DTNB: variants seen among roughly 807,000 people sequenced by gnomAD.
The protein encoded by DTNB is DTN-B.
DTNB carries 63 observed loss-of-function variants against 90.7 expected under a neutral mutation model. The ratio of observed to expected loss-of-function variants is 0.69; its 90% CI spans 0.57 to 0.86. The LOEUF (loss-of-function observed/expected upper bound fraction) is 0.86. DTNB is among the 40% of genes least tolerant of loss of function. The probability of loss-of-function intolerance (pLI) is 0.00; values close to 1 mark genes in which losing one functional copy is unlikely to be tolerated. For synonymous variants in DTNB, 277 were observed against 286.7 expected, an observed-to-expected ratio of 0.97 and a Z score of 0.34; for missense variants, 744 against 807.1, an observed-to-expected ratio of 0.92 and a Z score of 0.95.
At position 25,455,428 on chromosome 2, in the gene DTNB, C is replaced by T. The variant is rs1035575096; in HGVS notation, c.1146G>A (p.Val382=). 3 of 1,603,532 alleles carry T rather than the reference C, an allele frequency of 1.9e-6. No homozygotes were observed. Among genetic ancestry groups the T allele is most frequent in the Non-Finnish European group, 2.6e-6 (3 of 1,175,450 alleles). ...ACCGTGCACAGTGCTGCAGACGGGCCACATAGGAGGCTATCAGCGCATGCT... is the reference window on the plus strand; with the variant it reads ...ACCGTGCACAGTGCTGCAGACGGGCTACATAGGAGGCTATCAGCGCATGCT... The part of the protein sequence containing the change: ...ADEHALIASY[V]ARLQHCARVL... The change falls in exon 11 of 21, where the codon GTG becomes GTA. Residue 382 remains valine, a synonymous_variant. Transcript: ENST00000406818.
At chr2:25,463,608 A>G (rs1386884198) in intron 10 of DTNB, among the ~76,000 whole-genome samples, 2 of 152,270 alleles carry the variant, frequency 1.3e-5, no homozygotes, top group Non-Finnish European at 2.9e-5. Flanking sequence ...TGTGTGAGTT[A>G]TATCTCAATA....
chr2:25,463,565 G>C (rs1020870175), intron 10 of DTNB, among the ~76,000 whole-genome samples: 1 of 152,186 alleles, frequency 6.6e-6, no homozygotes, highest in Non-Finnish European at 1.5e-5. Context: ...AAAAACCACT[G>C]AATTGTACAT....
chr2:25,393,992 ACTATG>A (rs142697978), intron 16 of DTNB, among the ~76,000 whole-genome samples: 2,416 of 152,232 alleles, frequency 0.016, 68 homozygotes, highest in African/African-American at 0.053. Context: ...TCAACTTCAA[ACTATG>A]CTATAAGGCC....
At chr2:25,630,960 C>A (rs1462334955) in intron 3 of DTNB, among the ~76,000 whole-genome samples, 5 of 149,112 alleles carry the variant, frequency 3.4e-5, no homozygotes, top group Non-Finnish European at 5.9e-5. Context: ...ATAAAAGATA[C>A]CAAATATTCT....
At chr2:25,558,888 G>A (rs1326656638) in intron 8 of DTNB, among the ~76,000 whole-genome samples, 1 of 152,156 alleles carries the variant, frequency 6.6e-6, no homozygotes, top group Non-Finnish European at 1.5e-5. Context: ...ATTTCAAAGG[G>A]AGGCCTCTGG....
At chr2:25,653,479 CT>C (rs2081392877) in intron 1 of DTNB, among the ~76,000 whole-genome samples, 1 of 76,038 alleles carries the variant, frequency 1.3e-5, no homozygotes, top group South Asian at 4.3e-4. Flanking sequence ...TCAGAGCTTG[CT>C]TTCTTTCTTT....
chr2:25,419,028 G>A (rs1440869531), intron 16 of DTNB: 1 of 159,200 alleles, frequency 6.3e-6, no homozygotes, highest in Non-Finnish European at 1.4e-5. Context: ...CAGTGTCTCA[G>A]TCGTCGTCAG....
rs759179828 is a variant in DTNB, at chr2:25,433,936, A to C, written c.1317T>G (p.Leu439=). 6.2e-7 allele frequency: 1 copy of C among 1,613,802 alleles called. No individual in the cohort carries two copies. The highest frequency in any genetic ancestry group is 8.5e-7 in the Non-Finnish European group (1 of 1,179,812). Residue 439 remains leucine, a synonymous_variant, in exon 13 of 21, where the codon CTT becomes CTG. Transcript: ENST00000406818. ...TGTTTTTGTTTTCCAGTTCTGCAAT[A>C]AGCTGTCTTTGTTGTTTGTTGGCAT... ...NFDANKQQRQ[L]IAELENKNRE... is the part of the protein sequence containing the mutation.
intron 1 of DTNB, among the ~76,000 whole-genome samples, chr2:25,664,371 T>G (rs1229971469): frequency 6.6e-6 from 1 of 152,274 alleles, no homozygotes; most frequent in Non-Finnish European, 1.5e-5. Context: ...GTGAGCCATC[T>G]GTCTATTTAG....
chr2:25,553,240 T>C (rs1056009852), intron 8 of DTNB, among the ~76,000 whole-genome samples: 7 of 152,188 alleles, frequency 4.6e-5, no homozygotes, highest in Middle Eastern at 3.4e-3. Flanking sequence ...CCTATAGTCA[T>C]AGGCATGTGA....
chr2:25,627,365 T>C (rs1035986968), intron 4 of DTNB, among the ~76,000 whole-genome samples: 3 of 151,266 alleles, frequency 2.0e-5, no homozygotes, highest in African/African-American at 4.9e-5. Context: ...TGAGCCGAGC[T>C]TGCACACCAT....
chr2:25,554,826 TACAAC>T (rs1244346156), intron 8 of DTNB, among the ~76,000 whole-genome samples: 3 of 151,912 alleles, frequency 2.0e-5, no homozygotes, highest in African/African-American at 7.3e-5. Context: ...AAACATGAGA[TACAAC>T]ACCATAAATT....
At chr2:25,574,239 T>C (rs1444381667) in intron 8 of DTNB, among the ~76,000 whole-genome samples, 1 of 152,222 alleles carries the variant, frequency 6.6e-6, no homozygotes, top group African/African-American at 2.4e-5. Flanking sequence ...GGAGTCTTTG[T>C]CCGGTTTGTT....
At chr2:25,547,018 TTTG>T (rs531373974) in intron 8 of DTNB, among the ~76,000 whole-genome samples, 217 of 152,124 alleles carry the variant, frequency 1.4e-3, no homozygotes, top group African/African-American at 5.1e-3. Flanking sequence ...AGTTAATTCT[TTTG>T]TTGTTGTTGT....
chr2:25,651,519 G>A (rs2080931359), intron 2 of DTNB, among the ~76,000 whole-genome samples: 1 of 152,208 alleles, frequency 6.6e-6, no homozygotes, highest in African/African-American at 2.4e-5. Flanking sequence ...GCCATTAGAA[G>A]CTCCGAACTA....
chr2:25,572,587 C>A lies in DTNB; in HGVS notation c.876+4251G>T, dbSNP rs374342337. ...TCTGGGCCAGGTGGGCTCTGGCATACCCTCCAGAGGGGCTGCACAACCTTC... is the reference window on the plus strand; with the variant it reads ...TCTGGGCCAGGTGGGCTCTGGCATAACCTCCAGAGGGGCTGCACAACCTTC... On this transcript the variant is annotated intron_variant, in intron 8 of 20. Coordinates refer to ENST00000406818, the MANE Select transcript of DTNB (RefSeq NM_021907.5). Among the ~76,000 whole-genome samples the A allele has an allele frequency of 2.6e-5, 4 of 151,838 alleles. No homozygotes were observed. The East Asian group carries it at 7.7e-4, about 29-fold the overall frequency.
intron 4 of DTNB, among the ~76,000 whole-genome samples, chr2:25,610,524 T>C (rs556455724): frequency 2.0e-4 from 30 of 152,308 alleles, no homozygotes; most frequent in African/African-American, 6.3e-4. Flanking sequence ...AATGAACCTA[T>C]AGAAAAGTGC....
At chr2:25,543,962 G>A (rs992192230) in intron 8 of DTNB, among the ~76,000 whole-genome samples, 1 of 152,138 alleles carries the variant, frequency 6.6e-6, no homozygotes, top group Non-Finnish European at 1.5e-5. Context: ...AAAAATTAAG[G>A]CTCATATAAC....
rs185050573 is a variant in DTNB at position 25,555,238 on chromosome 2, C to T, written c.876+21600G>A. On this transcript the variant is annotated intron_variant, in intron 8 of 20. Transcript: ENST00000406818. ...CCCAGGAGGCGGAGCTTGCAGTGAA[C>T]GAAGATCGGGCCACTGCACTCCAGC... Among the ~76,000 whole-genome samples the T allele has an allele frequency of 6.9e-3, 945 of 137,712 alleles. 3 individuals are homozygous for T. The highest frequency in any genetic ancestry group is 0.023 in the Middle Eastern group (5 of 218). The allele number at this position is 137,712 out of a possible 152,430, so 90.3% of individuals were successfully genotyped here.
Sources: gnomAD v4.1 joint callset for allele counts (sites outside exome capture counted in the v4.1 genomes callset) on GRCh38, gnomAD v4.1.1 for gene constraint, MANE v1.5 for transcripts, NCBI Gene and HGNC (gene_info 2026-07-23, HGNC 2026-07-21) for gene names.